VPS8: variants seen among roughly 807,000 people sequenced by gnomAD.
VPS8 encodes vacuolar protein sorting-associated protein 8 homolog.
Under a neutral mutation model 216.4 loss-of-function variants are expected in VPS8, and 129 were observed. That is an observed-to-expected ratio of 0.60 (90% CI 0.52 to 0.69). VPS8 has a LOEUF of 0.69. Among genes scored for constraint, VPS8 ranks in the 30% least tolerant of loss-of-function variants. The pLI is 0.00. For synonymous variants in VPS8, 571 were observed against 565.4 expected, an observed-to-expected ratio of 1.01 and a Z score of -0.14; for missense variants, 1,531 against 1,683.5, an observed-to-expected ratio of 0.91 and a Z score of 1.59.
intron 46 of VPS8, among the ~76,000 whole-genome samples, chr3:185,044,049 G>A (rs966669030): frequency 6.6e-6 from 1 of 152,114 alleles, no homozygotes; most frequent in Non-Finnish European, 1.5e-5. Context: ...AATTAGCTGG[G>A]CATGGTGGCA....
intron 22 of VPS8, among the ~76,000 whole-genome samples, chr3:184,893,973 A>C (rs967213751): frequency 6.6e-6 from 1 of 152,232 alleles, no homozygotes; most frequent in South Asian, 2.1e-4. Flanking sequence ...TCTGTGGTCA[A>C]TATAACTCAA....
intron 44 of VPS8, among the ~76,000 whole-genome samples, chr3:184,998,183 G>A (rs910469653): frequency 1.3e-5 from 2 of 152,114 alleles, no homozygotes; most frequent in South Asian, 2.1e-4. Flanking sequence ...TCTGAGATGC[G>A]AAGCCACTGG....
intron 46 of VPS8, among the ~76,000 whole-genome samples, chr3:185,038,393 A>C (rs1357327053): frequency 2.6e-5 from 4 of 152,156 alleles, no homozygotes; most frequent in Non-Finnish European, 5.9e-5. Flanking sequence ...GTCAAATTGC[A>C]GTTTCTTTTA....
intron 23 of VPS8, among the ~76,000 whole-genome samples, chr3:184,896,666 T>C (rs934766760): frequency 1.4e-4 from 21 of 152,242 alleles, no homozygotes; most frequent in Non-Finnish European, 5.9e-5. Flanking sequence ...AAGAAGTGTT[T>C]ACTGAATGTC....
intron 26 of VPS8, 87 bp from the exon 27 acceptor site, chr3:184,914,894 A>G (rs1271201949): frequency 2.3e-6 from 3 of 1,300,388 alleles, no homozygotes; most frequent in South Asian, 2.4e-5. Context: ...TTGAACTAGT[A>G]TCTCAAGTTT....
intron 35 of VPS8, among the ~76,000 whole-genome samples, chr3:184,939,082 A>G (rs1742179313): frequency 6.6e-6 from 1 of 152,004 alleles, no homozygotes; most frequent in Non-Finnish European, 1.5e-5. Flanking sequence ...ATTTCTTTTA[A>G]AGAAATGAAG....
chr3:184,843,197 CT>C, intron 7 of VPS8, 42 bp from the exon 8 acceptor site: 1 of 1,398,426 alleles, frequency 7.2e-7, no homozygotes, highest in Non-Finnish European at 9.4e-7. Flanking sequence ...TGATTTCTTG[CT>C]TTTCTTTATC....
chr3:184,852,882 A>G (rs555626456), intron 11 of VPS8, among the ~76,000 whole-genome samples: 1 of 152,132 alleles, frequency 6.6e-6, no homozygotes, highest in Non-Finnish European at 1.5e-5. Context: ...GGCCCAGTTG[A>G]TTTTAATCAT....
intron 21 of VPS8, among the ~76,000 whole-genome samples, chr3:184,885,270 C>T (rs557655749): frequency 6.6e-6 from 1 of 152,256 alleles, no homozygotes; most frequent in African/African-American, 2.4e-5. Flanking sequence ...GAACATAACC[C>T]TTCCAGGATT....
chr3:184,850,202 G>A (rs969750979), intron 10 of VPS8, among the ~76,000 whole-genome samples, 180 bp downstream of exon 10: 1 of 152,116 alleles, frequency 6.6e-6, no homozygotes, highest in Non-Finnish European at 1.5e-5. Context: ...AGCCCAACAT[G>A]ATGTTTTTCC....
chr3:184,948,854 A>G, intron 36 of VPS8, among the ~76,000 whole-genome samples: 1 of 152,204 alleles, frequency 6.6e-6, no homozygotes, highest in East Asian at 1.9e-4. Flanking sequence ...TAACATTTAT[A>G]CCTGATGTGG....
At chr3:185,025,809 G>A (rs759920982) in intron 46 of VPS8, among the ~76,000 whole-genome samples, 3 of 152,212 alleles carry the variant, frequency 2.0e-5, no homozygotes, top group Non-Finnish European at 2.9e-5. Flanking sequence ...GATGTCAAGC[G>A]TGTGCCTTGG....
rs1030338084 is a variant in VPS8 at position 184,957,452 on chromosome 3, G to A, written c.3114G>A (p.Gln1038=). Residue 1038 remains glutamine (Q), a synonymous_variant, in exon 37 of 48, where the codon CAG becomes CAA. Transcript: ENST00000625842. ...ITEQFIELLC[Q]FNPTQVIETL... Reference sequence around the variant, plus strand: ...AGCAGTTCATTGAGCTGTTGTGTCAGTTCAACCCAACCCAAGTTATAGAGA... The same window carrying A: ...AGCAGTTCATTGAGCTGTTGTGTCAATTCAACCCAACCCAAGTTATAGAGA... The A allele has an allele frequency of 6.2e-7, 1 of 1,612,680 alleles. No individual in the cohort carries two copies. Among genetic ancestry groups the A allele is most frequent in the Non-Finnish European group, 8.5e-7 (1 of 1,179,342 alleles).
At chr3:184,846,334 TGG>T (rs1723119430) in intron 8 of VPS8, among the ~76,000 whole-genome samples, 1 of 152,258 alleles carries the variant, frequency 6.6e-6, no homozygotes, top group African/African-American at 2.4e-5. Flanking sequence ...AGCTAGTTGA[TGG>T]TATGTGGGAA....
intron 21 of VPS8, among the ~76,000 whole-genome samples, chr3:184,885,154 C>CA (rs1451062156): frequency 6.6e-6 from 1 of 152,208 alleles, no homozygotes; most frequent in Admixed American, 6.5e-5. Flanking sequence ...ACCTCTCTCT[C>CA]AAATAATAAG....
intron 39 of VPS8, 37 bp from the exon 40 acceptor site, chr3:184,971,612 T>TA (rs1317510103): frequency 6.5e-7 from 1 of 1,533,384 alleles, no homozygotes; most frequent in Non-Finnish European, 8.9e-7. Flanking sequence ...ATCAGCAACA[T>TA]ATCCTTAAAT....
intron 34 of VPS8, among the ~76,000 whole-genome samples, chr3:184,934,584 A>C (rs1358119266): frequency 6.6e-6 from 1 of 152,140 alleles, no homozygotes; most frequent in Non-Finnish European, 1.5e-5. Context: ...ATTTTTATGG[A>C]AGTTTTCTTC....
At chr3:185,027,037 G>A (rs1757471624) in intron 46 of VPS8, among the ~76,000 whole-genome samples, 1 of 151,642 alleles carries the variant, frequency 6.6e-6, no homozygotes, top group Non-Finnish European at 1.5e-5. Flanking sequence ...TATTTACTGA[G>A]ATAAACAGTG....
chr3:184,930,488 A>G lies in VPS8; in HGVS notation c.2818A>G (p.Ile940Val), dbSNP rs1458047636. ...PLREEEVFNY[I>V]HNILSIPGHS... ...TCTTCAGGAAGAAGTCTTTAATTAC[A>G]TTCACAATATCTTATCCATTCCCGG... The change falls in exon 34 of 48, where the codon ATT becomes GTT. Residue 940 changes from isoleucine to valine, a missense_variant. Ile to Val is a conservative substitution (Grantham distance 29, BLOSUM62 3). Transcript: ENST00000625842. 11 of 1,612,614 alleles carry G rather than the reference A, an allele frequency of 6.8e-6. No individual in the cohort carries two copies. The highest frequency in any genetic ancestry group is 1.6e-4 in the Middle Eastern group (1 of 6,084).
Sources: allele counts gnomAD v4.1 joint callset (sites outside exome capture counted in the v4.1 genomes callset), GRCh38; gene constraint gnomAD v4.1.1; transcripts MANE v1.5; gene names NCBI Gene and HGNC (gene_info 2026-07-23, HGNC 2026-07-21).